The following SLCO1B3 variants were observed in gnomAD, a reference collection of about 807,000 sequenced individuals.
SLCO1B3 encodes liver-specific organic anion transporter 2.
A neutral mutation model predicts 71.8 loss-of-function variants in SLCO1B3; 72 were observed. The observed-to-expected ratio is 1.00, with a 90% CI of 0.83 to 1.22. The LOEUF is 1.22. Among genes scored for constraint, SLCO1B3 ranks in the 50% most tolerant of loss-of-function variants. SLCO1B3 has a pLI of 0.00. For synonymous variants in SLCO1B3, 298 were observed against 278.4 expected (o/e 1.07, Z -0.70); for missense variants, 911 against 819.7 (o/e 1.11, Z -1.36).
Position 20,875,425 on chromosome 12 carries a change from TCAAA to T in SLCO1B3, c.921_924del (p.Thr308LeufsTer3). ...TGCTGAAAACAAATGATGATAGAAA[TCAAA>T]CAGCTAATTTGACCAACCAAGGAAA... On this transcript the variant is annotated frameshift_variant, in exon 9 of 16. Coordinates refer to ENST00000381545, the MANE Select transcript of SLCO1B3 (RefSeq NM_019844.4). LOFTEE classifies it high-confidence loss of function. The T allele has an allele frequency of 6.2e-7, 1 of 1,607,210 alleles. No individual in the cohort carries two copies. Among genetic ancestry groups the T allele is most frequent in the East Asian group, 2.2e-5 (1 of 44,818 alleles).
chr12:20,828,151 A>G (rs1864465775), intron 3 of SLCO1B3, among the ~76,000 whole-genome samples: 1 of 152,142 alleles, frequency 6.6e-6, no homozygotes, highest in African/African-American at 2.4e-5. Context: ...ACTGAATCCT[A>G]GGTCTCCAAA....
At chr12:20,870,947 A>G (rs1865463796) in intron 8 of SLCO1B3, among the ~76,000 whole-genome samples, 2 of 152,164 alleles carry the variant, frequency 1.3e-5, no homozygotes, top group African/African-American at 4.8e-5. Context: ...AAATGATCAT[A>G]TGATTTTTAC....
At chr12:20,869,526 C>T (rs1336666430) in intron 8 of SLCO1B3, among the ~76,000 whole-genome samples, 2 of 152,160 alleles carry the variant, frequency 1.3e-5, no homozygotes, top group Non-Finnish European at 2.9e-5. Context: ...TATACTGGAA[C>T]AGCTCGTGTC....
At chr12:20,888,815 G>T (rs1356348880) in intron 13 of SLCO1B3, among the ~76,000 whole-genome samples, 8 of 152,002 alleles carry the variant, frequency 5.3e-5, no homozygotes, top group Admixed American at 5.2e-4. Flanking sequence ...GTATGTTATT[G>T]ACTGTGGTTT....
chr12:20,844,743 T>A (rs1318250227), intron 3 of SLCO1B3, among the ~76,000 whole-genome samples: 4 of 151,914 alleles, frequency 2.6e-5, no homozygotes, highest in African/African-American at 9.7e-5. Context: ...TAAAAAAAAT[T>A]ATTCGGCCAG....
intron 5 of SLCO1B3, among the ~76,000 whole-genome samples, chr12:20,859,852 C>T (rs1165076987): frequency 6.6e-6 from 1 of 152,046 alleles, no homozygotes; most frequent in Non-Finnish European, 1.5e-5. Context: ...CCTTTGTCTA[C>T]CAATTTGAAT....
chr12:20,888,815 G>C (rs1356348880), intron 13 of SLCO1B3, among the ~76,000 whole-genome samples: 1 of 152,002 alleles, frequency 6.6e-6, no homozygotes, highest in Non-Finnish European at 1.5e-5. Context: ...GTATGTTATT[G>C]ACTGTGGTTT....
intron 3 of SLCO1B3, among the ~76,000 whole-genome samples, chr12:20,816,104 A>G (rs1864187423): frequency 6.6e-6 from 1 of 152,156 alleles, no homozygotes; most frequent in Non-Finnish European, 1.5e-5. Context: ...ATGTATGTTT[A>G]TGGGGTACAT....
At chr12:20,826,981 T>G (rs181167764) in intron 3 of SLCO1B3, among the ~76,000 whole-genome samples, 3 of 152,310 alleles carry the variant, frequency 2.0e-5, no homozygotes. Flanking sequence ...GTTATTTGTC[T>G]GTTAATCATT....
In SLCO1B3 at chr12:20,862,522, G is replaced by A. The variant is rs368649517; in HGVS notation, c.592G>A (p.Asp198Asn). The A allele has an allele frequency of 6.3e-5, 101 of 1,611,480 alleles. No homozygotes were observed. Among genetic ancestry groups the A allele is most frequent in the East Asian group, 4.7e-4 (21 of 44,834 alleles). Residue 198 changes from aspartate to asparagine, a missense_variant, in exon 7 of 16, where the codon GAT (aspartate) becomes AAT (asparagine). By Grantham distance (23) the Asp-to-Asn change is conservative. Coordinates refer to ENST00000381545, the MANE Select transcript of SLCO1B3 (RefSeq NM_019844.4). ...ACCATTGGGGATTTCATACATTGATGATTTTGCAAAAGAAGGACATTCTTC... is the reference window on the plus strand; with the variant it reads ...ACCATTGGGGATTTCATACATTGATAATTTTGCAAAAGAAGGACATTCTTC... ...IVPLGISYID[D>N]FAKEGHSSLY... is the part of the protein sequence containing the mutation.
chr12:20,826,711 T>C (rs754812017), intron 3 of SLCO1B3, among the ~76,000 whole-genome samples: 8 of 151,988 alleles, frequency 5.3e-5, no homozygotes, highest in Non-Finnish European at 1.0e-4. Context: ...CAAGATTCTT[T>C]CTCATATAAA....
rs781166716 is a variant in SLCO1B3 at position 20,815,702 on chromosome 12, C to T, written c.-37C>T. 5 of 1,225,006 alleles carry T rather than the reference C, an allele frequency of 4.1e-6. No homozygotes were observed. The highest frequency in any genetic ancestry group is 6.0e-6 in the Non-Finnish European group (5 of 839,650). The allele number at this position is 1,225,006 out of a possible 1,614,324, so 75.9% of individuals were successfully genotyped here. ...ATCATTTCAAACCAAGCATCAGCAACAATTAAAAATATTCACTTGGTATCT... is the reference window on the plus strand; with the variant it reads ...ATCATTTCAAACCAAGCATCAGCAATAATTAAAAATATTCACTTGGTATCT... On this transcript the variant is annotated 5_prime_UTR_variant, in exon 3 of 16. Transcript: ENST00000381545.
intron 3 of SLCO1B3, among the ~76,000 whole-genome samples, chr12:20,824,396 A>G (rs536840002): frequency 5.2e-4 from 79 of 152,302 alleles, no homozygotes; most frequent in Non-Finnish European, 7.6e-4. Flanking sequence ...CAATGATGCT[A>G]TATCTAAATT....
At chr12:20,901,570 C>T (rs1411556193) in intron 15 of SLCO1B3, 103 bp downstream of exon 15, 2 of 606,806 alleles carry the variant, frequency 3.3e-6, no homozygotes, top group African/African-American at 3.8e-5. Flanking sequence ...ATGATAGCTA[C>T]CATTTAGTGA....
chr12:20,877,798 C>T lies in SLCO1B3; in HGVS notation c.997C>T (p.Leu333Phe), dbSNP rs765840736. The T allele has an allele frequency of 2.7e-6, 4 of 1,485,616 alleles. No homozygotes were observed. Among genetic ancestry groups the T allele is most frequent in the African/African-American group, 2.9e-5 (2 of 69,284 alleles). The allele number at this position is 1,485,616 out of a possible 1,614,324, so 92.0% of individuals were successfully genotyped here. ...TTTTTTCCAGTCTTTGAAAAGCATC[C>T]TTACCAATCCCCTGTATGTTATATT... is the stretch of plus-strand genomic sequence containing the variant. ...TGFFQSLKSI[L>F]TNPLYVIFLL... The change falls in exon 10 of 16, where the codon CTT becomes TTT. Residue 333 changes from leucine to phenylalanine, a missense_variant. Leu to Phe is a conservative substitution (Grantham distance 22). Coordinates refer to ENST00000381545, the MANE Select transcript of SLCO1B3 (RefSeq NM_019844.4).
rs994516947 is a variant in SLCO1B3 at position 20,875,389 on chromosome 12, A to G, written c.882A>G (p.Leu294=). ...NKPQKERKIS[L]SLHVLKTNDD... Reference sequence around the variant, plus strand: ...CACAAAAAGAAAGAAAAATTTCACTATCATTGCATGTGCTGAAAACAAATG... The same window carrying G: ...CACAAAAAGAAAGAAAAATTTCACTGTCATTGCATGTGCTGAAAACAAATG... The change falls in exon 9 of 16, where the codon CTA becomes CTG. Residue 294 remains leucine (L), a synonymous_variant. Transcript: ENST00000381545. 18 of 1,611,740 alleles carry G rather than the reference A, an allele frequency of 1.1e-5. No individual in the cohort carries two copies. The highest frequency in any genetic ancestry group is 4.4e-5 in the South Asian group (4 of 90,506).
intron 13 of SLCO1B3, among the ~76,000 whole-genome samples, chr12:20,886,296 C>T (rs1865791848): frequency 6.6e-6 from 1 of 152,004 alleles, no homozygotes. Flanking sequence ...TAGAAGCCAC[C>T]ATTTAGGAAA....
At chr12:20,814,209 A>G (rs1262607213) in intron 2 of SLCO1B3, among the ~76,000 whole-genome samples, 1 of 152,170 alleles carries the variant, frequency 6.6e-6, no homozygotes, top group Admixed American at 6.5e-5. Context: ...CCACTGTTCT[A>G]TATAAAAGAG....
At chr12:20,900,422 C>T (rs1318636016) in intron 14 of SLCO1B3, among the ~76,000 whole-genome samples, 2 of 152,126 alleles carry the variant, frequency 1.3e-5, no homozygotes, top group African/African-American at 2.4e-5. Flanking sequence ...TGAATGATAG[C>T]TCTCTACTAT....
Sources: allele counts gnomAD v4.1 joint callset (sites outside exome capture counted in the v4.1 genomes callset), GRCh38; gene constraint gnomAD v4.1.1; transcripts MANE v1.5; gene names NCBI Gene and HGNC (gene_info 2026-07-23, HGNC 2026-07-21).